TRPC7: variants seen among roughly 807,000 people sequenced by gnomAD.
TRPC7 encodes the protein transient receptor potential cation channel subfamily C member 7.
TRPC7 carries 42 observed loss-of-function variants against 90.1 expected under a neutral mutation model. The observed-to-expected ratio is 0.47, with a 90% CI of 0.36 to 0.60. TRPC7 has a LOEUF of 0.60. Among genes scored for constraint, TRPC7 ranks in the 20% least tolerant of loss-of-function variants. The pLI, the probability that TRPC7 is intolerant of heterozygous loss-of-function variation, is 0.00. For missense variants in TRPC7, 955 were observed against 1,112.3 expected, an observed-to-expected ratio of 0.86 and a Z score of 2.01; for synonymous variants, 451 against 436.3, an observed-to-expected ratio of 1.03 and a Z score of -0.42.
At chr5:136,342,827 A>C (rs537791902) in intron 2 of TRPC7, among the ~76,000 whole-genome samples, 29 of 152,362 alleles carry the variant, frequency 1.9e-4, no homozygotes, top group Non-Finnish European at 2.2e-4. Flanking sequence ...CACAGAAAAT[A>C]TAACTGGATC....
In TRPC7 at chr5:136,315,792, AG is replaced by A. The variant is rs1274284484; in HGVS notation, c.781-14del. Reference sequence around the variant, plus strand: ...TCCTGTAATCGTTCTAACAGAATAGAGAGAAATCAGCGGTATGTCACATGGA... The same window carrying A: ...TCCTGTAATCGTTCTAACAGAATAGAAGAAATCAGCGGTATGTCACATGGA... On this transcript the variant is annotated splice_polypyrimidine_tract_variant and intron_variant, in intron 2 of 11. Coordinates refer to ENST00000513104, the MANE Select transcript of TRPC7 (RefSeq NM_020389.3). The A allele has an allele frequency of 1.2e-6, 2 of 1,610,510 alleles. No homozygotes were observed. The highest frequency in any genetic ancestry group is 1.7e-6 in the Non-Finnish European group (2 of 1,177,386).
At chr5:136,273,594 G>C (rs750589069) in intron 4 of TRPC7, among the ~76,000 whole-genome samples, 1 of 152,066 alleles carries the variant, frequency 6.6e-6, no homozygotes, top group Non-Finnish European at 1.5e-5. Context: ...CCGAAGTCTC[G>C]CAGCTGTCAT....
intron 3 of TRPC7, 47 bp downstream of exon 3, chr5:136,315,550 G>C: frequency 6.3e-7 from 1 of 1,597,506 alleles, no homozygotes; most frequent in Non-Finnish European, 8.6e-7. Flanking sequence ...CAGCAGCCCC[G>C]AGAAGAGAGG....
At chr5:136,282,917 GA>G (rs1424311213) in intron 3 of TRPC7, among the ~76,000 whole-genome samples, 1 of 152,196 alleles carries the variant, frequency 6.6e-6, no homozygotes, top group African/African-American at 2.4e-5. Context: ...TGGGAAGCCT[GA>G]TAATTCCTTA....
At chr5:136,235,248 C>T (rs141427214) in intron 7 of TRPC7, among the ~76,000 whole-genome samples, 126 of 152,256 alleles carry the variant, frequency 8.3e-4, no homozygotes, top group Non-Finnish European at 1.5e-3. Flanking sequence ...AAATGACAGA[C>T]GTCCTGGTAG....
chr5:136,308,161 T>A (rs776152029), intron 3 of TRPC7, among the ~76,000 whole-genome samples: 2 of 152,236 alleles, frequency 1.3e-5, no homozygotes, highest in African/African-American at 4.8e-5. Flanking sequence ...CATGCTGGAA[T>A]TCTTCTTTCT....
chr5:136,288,182 A>C (rs767719618), intron 3 of TRPC7, among the ~76,000 whole-genome samples: 1 of 152,076 alleles, frequency 6.6e-6, no homozygotes, highest in Non-Finnish European at 1.5e-5. Flanking sequence ...CAGGATGTGA[A>C]CCCAGACACG....
chr5:136,302,759 A>G (rs1006681510), intron 3 of TRPC7, among the ~76,000 whole-genome samples: 5 of 152,210 alleles, frequency 3.3e-5, no homozygotes, highest in Non-Finnish European at 7.3e-5. Flanking sequence ...CAAGAACTAA[A>G]TAATTCTTTT....
At chr5:136,213,798 C>T (rs2149790795) in intron 11 of TRPC7, among the ~76,000 whole-genome samples, 194 bp from the exon 12 acceptor site, 1 of 152,306 alleles carries the variant, frequency 6.6e-6, no homozygotes, top group East Asian at 1.9e-4. Flanking sequence ...AAGGACACAT[C>T]GATCCATAGA....
chr5:136,365,545 T>G lies in TRPC7; in HGVS notation c.-291A>C. 1 of 531,944 alleles carries G rather than the reference T, an allele frequency of 1.9e-6. No individual in the cohort carries two copies. 33.0% of individuals were successfully genotyped at this position (531,944 alleles called of 1,614,324 possible). ...TGACGGAGAAGCATCTGTGTGAGAGTGGCATGCGGCGTGGTGATGGGTTGG... is the reference window on the plus strand; with the variant it reads ...TGACGGAGAAGCATCTGTGTGAGAGGGGCATGCGGCGTGGTGATGGGTTGG... On this transcript the variant is annotated 5_prime_UTR_variant, in exon 1 of 12. Coordinates refer to ENST00000513104, the MANE Select transcript of TRPC7 (RefSeq NM_020389.3).
chr5:136,339,613 C>T (rs1017141402), intron 2 of TRPC7, among the ~76,000 whole-genome samples: 2 of 152,128 alleles, frequency 1.3e-5, no homozygotes, highest in Non-Finnish European at 2.9e-5. Flanking sequence ...AAGAAACAGA[C>T]TCAAAAGGTC....
chr5:136,299,343 G>A (rs1397872964), intron 3 of TRPC7, among the ~76,000 whole-genome samples: 8 of 58,038 alleles, frequency 1.4e-4, no homozygotes, highest in African/African-American at 8.8e-4. Flanking sequence ...GTGTGTGCGT[G>A]TGTGTGTGTG....
At position 136,252,019 on chromosome 5, in the gene TRPC7, A is replaced by T. The variant is rs982058548; in HGVS notation, c.1346-137T>A. The T allele has an allele frequency of 4.4e-6, 3 of 681,156 alleles. No homozygotes were observed. The Admixed American group carries it at 8.0e-5, about 18-fold the overall frequency. The allele number at this position is 681,156 out of a possible 1,614,324, so 42.2% of individuals were successfully genotyped here. On this transcript the variant is annotated intron_variant, in intron 5 of 11. Transcript: ENST00000513104. ...TGGGACCGTCGATAGCCAGAGGCAG[A>T]CAGAAACGTGTTTTCAAAGGCAGAT...
intron 7 of TRPC7, among the ~76,000 whole-genome samples, chr5:136,245,103 G>A (rs1756296067): frequency 6.6e-6 from 1 of 152,180 alleles, no homozygotes; most frequent in Admixed American, 6.5e-5. Context: ...TTGGAGCTGG[G>A]GAAATTGAGG....
At chr5:136,292,768 G>C (rs1758007764) in intron 3 of TRPC7, among the ~76,000 whole-genome samples, 1 of 152,206 alleles carries the variant, frequency 6.6e-6, no homozygotes, top group African/African-American at 2.4e-5. Flanking sequence ...AATAGAAAAA[G>C]AGGGAATCTT....
intron 7 of TRPC7, among the ~76,000 whole-genome samples, chr5:136,234,322 T>C (rs78683431): frequency 6.6e-6 from 1 of 152,088 alleles, no homozygotes; most frequent in African/African-American, 2.4e-5. Context: ...TTTTTTTTTT[T>C]TCTGAGACAG....
At chr5:136,319,179 G>C (rs1252834214) in intron 2 of TRPC7, among the ~76,000 whole-genome samples, 2 of 152,024 alleles carry the variant, frequency 1.3e-5, no homozygotes, top group African/African-American at 4.8e-5. Context: ...CCTCCTCTCA[G>C]ATGAGGACCT....
At chr5:136,272,445 T>C (rs1004495478) in intron 4 of TRPC7, among the ~76,000 whole-genome samples, 6 of 152,312 alleles carry the variant, frequency 3.9e-5, no homozygotes, top group Middle Eastern at 3.4e-3. Context: ...ACTAAAAATA[T>C]CTTGACTGTT....
chr5:136,312,632 G>A (rs1758870512), intron 3 of TRPC7, among the ~76,000 whole-genome samples: 1 of 152,208 alleles, frequency 6.6e-6, no homozygotes, highest in Non-Finnish European at 1.5e-5. Flanking sequence ...CAGAAACCCA[G>A]TTCAGGATTC....
Sources: gnomAD v4.1 joint callset for allele counts (sites outside exome capture counted in the v4.1 genomes callset) on GRCh38, gnomAD v4.1.1 for gene constraint, MANE v1.5 for transcripts, NCBI Gene and HGNC (gene_info 2026-07-23, HGNC 2026-07-21) for gene names.